Variants in TBCK observed in about 807,000 individuals in gnomAD.
TBCK encodes TBC domain-containing protein kinase-like protein.
TBCK carries 99 observed loss-of-function variants against 113.4 expected under a neutral mutation model. The ratio of observed to expected loss-of-function variants is 0.87; its 90% CI spans 0.74 to 1.03. TBCK has a LOEUF of 1.03. TBCK is among the 50% of genes least tolerant of loss of function. TBCK has a pLI of 0.00. For missense variants in TBCK, 1,045 were observed against 1,061.3 expected (o/e 0.98, Z 0.21); for synonymous variants, 369 against 370.8 (o/e 1.00, Z 0.05).
chr4:106,193,835 T>TA, intron 21 of TBCK, 65 bp from the exon 22 acceptor site: 1 of 1,062,792 alleles, frequency 9.4e-7, no homozygotes, highest in Non-Finnish European at 1.3e-6. Flanking sequence ...AATAACAACT[T>TA]ACTTTACTAG....
Position 106,231,751 on chromosome 4 carries a change from T to C in TBCK, c.1668A>G (p.Leu556=), listed in dbSNP as rs1579330177. 3.7e-6 allele frequency: 6 copies of C among 1,609,760 alleles called. No individual in the cohort carries two copies. The highest frequency in any genetic ancestry group is 5.1e-6 in the Non-Finnish European group (6 of 1,177,852). Residue 556 remains leucine, a synonymous_variant, in exon 18 of 26, where the codon CTA becomes CTG. Coordinates refer to ENST00000394708, the MANE Select transcript of TBCK (RefSeq NM_001163435.3). ...TACCTTCATTATTGAAGTTTAGATA[T>C]AGGAATGGAGCACAAAGTGAGTCAA... ...QGLDSLCAPF[L]YLNFNNEALA... is the part of the protein sequence containing the mutation.
intron 3 of TBCK, among the ~76,000 whole-genome samples, chr4:106,289,606 T>C (rs1199595782): frequency 1.3e-5 from 2 of 151,610 alleles, no homozygotes; most frequent in African/African-American, 2.4e-5. Context: ...CCATCTCTAC[T>C]AAAAATACAA....
intron 12 of TBCK, among the ~76,000 whole-genome samples, chr4:106,239,306 A>G (rs534406360): frequency 6.6e-5 from 10 of 152,234 alleles, no homozygotes; most frequent in Non-Finnish European, 1.3e-4. Context: ...GCCCAGGAAC[A>G]CAGGCTCACT....
intron 20 of TBCK, among the ~76,000 whole-genome samples, chr4:106,207,049 C>A (rs527935435): frequency 3.3e-5 from 5 of 152,156 alleles, no homozygotes; most frequent in African/African-American, 9.7e-5. Context: ...TTCCTGATCT[C>A]ATTTTAAATG....
chr4:106,139,340 G>A (rs550656296), intron 23 of TBCK, among the ~76,000 whole-genome samples: 4 of 141,562 alleles, frequency 2.8e-5, no homozygotes, highest in African/African-American at 1.0e-4. Flanking sequence ...TTGATTTCTG[G>A]GAAATATTCA....
intron 23 of TBCK, among the ~76,000 whole-genome samples, chr4:106,133,706 T>C (rs889430781): frequency 1.3e-5 from 2 of 152,178 alleles, no homozygotes; most frequent in Non-Finnish European, 2.9e-5. Context: ...AAAGGGCCCA[T>C]TGGCTACATG....
intron 24 of TBCK, among the ~76,000 whole-genome samples, chr4:106,100,890 T>C (rs112014914): frequency 0.027 from 4,181 of 152,260 alleles, 184 homozygotes; most frequent in African/African-American, 0.096. Context: ...TCTCTGGGCC[T>C]CAAACAATGT....
At chr4:106,193,892 T>C (rs947301251) in intron 21 of TBCK, 122 bp from the exon 22 acceptor site, 25 of 620,982 alleles carry the variant, frequency 4.0e-5, no homozygotes, top group Non-Finnish European at 6.3e-5. Flanking sequence ...TCAGAGCTAA[T>C]ACTACCAAAC....
At chr4:106,091,492 G>T (rs566259766) in intron 25 of TBCK, among the ~76,000 whole-genome samples, 1 of 152,278 alleles carries the variant, frequency 6.6e-6, no homozygotes, top group South Asian at 2.1e-4. Flanking sequence ...TCCAGAGTTT[G>T]TTCCTTCTGA....
intron 22 of TBCK, among the ~76,000 whole-genome samples, chr4:106,183,465 T>C (rs1052426831): frequency 2.0e-5 from 3 of 152,018 alleles, no homozygotes; most frequent in African/African-American, 7.2e-5. Flanking sequence ...GAGCCTCACA[T>C]ATCTGTGTTA....
chr4:106,127,660 T>C (rs973244977), intron 23 of TBCK, among the ~76,000 whole-genome samples: 2 of 152,154 alleles, frequency 1.3e-5, no homozygotes, highest in Admixed American at 1.3e-4. Context: ...TTCATGTGTG[T>C]GTGTGCATGT....
At chr4:106,292,877 C>T (rs72660519) in intron 3 of TBCK, among the ~76,000 whole-genome samples, 11,668 of 152,176 alleles carry the variant, frequency 0.077, 509 homozygotes, top group Middle Eastern at 0.18. Flanking sequence ...TGTTCAAGTT[C>T]GCAGATAAAG....
At chr4:106,304,263 A>C (rs1175692477) in intron 2 of TBCK, among the ~76,000 whole-genome samples, 12 of 152,206 alleles carry the variant, frequency 7.9e-5, no homozygotes, top group East Asian at 5.8e-4. Flanking sequence ...TCCCTCACAC[A>C]AAAAAAGGTG....
At chr4:106,177,931 T>C (rs906412902) in intron 22 of TBCK, among the ~76,000 whole-genome samples, 2 of 152,022 alleles carry the variant, frequency 1.3e-5, no homozygotes, top group African/African-American at 4.8e-5. Flanking sequence ...ATGAACATGT[T>C]AACATTATTA....
intron 23 of TBCK, among the ~76,000 whole-genome samples, chr4:106,147,453 C>T (rs1201707763): frequency 6.6e-6 from 1 of 152,190 alleles, no homozygotes; most frequent in Admixed American, 6.5e-5. Context: ...AACAGAGGGA[C>T]CGGCTGAAGC....
At chr4:106,191,992 C>T (rs1753724373) in intron 22 of TBCK, among the ~76,000 whole-genome samples, 1 of 152,112 alleles carries the variant, frequency 6.6e-6, no homozygotes, top group African/African-American at 2.4e-5. Flanking sequence ...CAATTCCTTT[C>T]AGTTTTGAAT....
intron 25 of TBCK, among the ~76,000 whole-genome samples, chr4:106,052,079 G>C (rs1734873430): frequency 6.6e-6 from 1 of 151,770 alleles, no homozygotes. Context: ...TCCGTATTCA[G>C]ATCTTTTTAA....
intron 25 of TBCK, among the ~76,000 whole-genome samples, chr4:106,061,554 T>C (rs182513658): frequency 6.6e-6 from 1 of 151,644 alleles, no homozygotes; most frequent in African/African-American, 2.4e-5. Flanking sequence ...ACCACTTTTA[T>C]ATGCACTGGG....
chr4:106,175,323 C>T (rs11097917), intron 22 of TBCK, among the ~76,000 whole-genome samples: 27,887 of 149,644 alleles, frequency 0.19, 2,620 homozygotes, highest in South Asian at 0.25. Context: ...TTTGATTCTA[C>T]ATATTTACAA....
Sources: allele counts gnomAD v4.1 joint callset (sites outside exome capture counted in the v4.1 genomes callset), GRCh38; gene constraint gnomAD v4.1.1; transcripts MANE v1.5; gene names NCBI Gene and HGNC (gene_info 2026-07-23, HGNC 2026-07-21).